The following NID2 variants were observed in gnomAD, a reference collection of about 807,000 sequenced individuals.
The protein encoded by NID2 is nidogen-2.
A neutral mutation model predicts 145.4 loss-of-function variants in NID2; 83 were observed. The ratio of observed to expected loss-of-function variants is 0.57; its 90% CI spans 0.48 to 0.69. The LOEUF (loss-of-function observed/expected upper bound fraction) is 0.69, where lower values mean the gene tolerates loss of function less well. Among genes scored for constraint, NID2 ranks in the 30% least tolerant of loss-of-function variants. The pLI, the probability that NID2 is intolerant of heterozygous loss-of-function variation, is 0.00. For missense variants in NID2, 1,807 were observed against 1,765.7 expected, an observed-to-expected ratio of 1.02 and a Z score of -0.42; for synonymous variants, 739 against 701.3, an observed-to-expected ratio of 1.05 and a Z score of -0.85.
intron 16 of NID2, 51 bp from the exon 17 acceptor site, chr14:52,011,734 T>C (rs746368383): frequency 6.2e-7 from 1 of 1,607,924 alleles, no homozygotes; most frequent in Non-Finnish European, 8.5e-7. Flanking sequence ...ATTTCCCCTT[T>C]GTTCACACTC....
At chr14:52,030,578 G>T (rs1201745832) in intron 9 of NID2, among the ~76,000 whole-genome samples, 11 of 3,130 alleles carry the variant, frequency 3.5e-3, no homozygotes, top group South Asian at 0.017. Flanking sequence ...GGAAGGAAGG[G>T]AAAGAAAGAA....
intron 21 of NID2, 36 bp from the exon 22 acceptor site, chr14:52,005,532 G>GGTGAGTATATTGTAACCAA: frequency 6.3e-7 from 1 of 1,590,884 alleles, no homozygotes; most frequent in East Asian, 2.2e-5. Context: ...CAGGGTGGTG[G>GGTGAGTATATTGTAACCAA]GTGAGTATAT....
At position 52,006,613 on chromosome 14, in the gene NID2, C is replaced by G. The variant is rs1489550750; in HGVS notation, c.3928G>C (p.Val1310Leu). ...CTLPDGTGRR[V>L]IQNNLKYPFS... is the part of the protein sequence containing the mutation. ...GGGTACTTGAGGTTGTTTTGAATGA[C>G]ACGCCGTCCAGTTCCATCAGGTAGT... Residue 1310 changes from valine (V) to leucine (L), a missense_variant, in exon 20 of 22, where the codon GTC (valine) becomes CTC (leucine). Transcript: ENST00000216286. 1 of 1,613,786 alleles carries G rather than the reference C, an allele frequency of 6.2e-7. No homozygotes were observed. The highest frequency in any genetic ancestry group is 1.3e-5 in the African/African-American group (1 of 74,906).
At chr14:52,041,051 G>C (rs1283625632) in intron 7 of NID2, among the ~76,000 whole-genome samples, 200 bp from the exon 8 acceptor site, 2 of 152,106 alleles carry the variant, frequency 1.3e-5, no homozygotes, top group African/African-American at 2.4e-5. Flanking sequence ...GTTTCATCCT[G>C]CCTTACCTCA....
intron 7 of NID2, among the ~76,000 whole-genome samples, chr14:52,041,401 G>A (rs1892274914): frequency 1.3e-5 from 2 of 152,172 alleles, no homozygotes; most frequent in African/African-American, 4.8e-5. Context: ...ACCGAGCTCT[G>A]CAGTTAAAGA....
intron 8 of NID2, 151 bp from the exon 9 acceptor site, chr14:52,039,128 C>T: frequency 1.6e-6 from 1 of 625,958 alleles, no homozygotes. Flanking sequence ...GTAAGGAAAT[C>T]CCAAAAACCT....
chr14:52,039,845 C>T (rs913418481), intron 8 of NID2, among the ~76,000 whole-genome samples: 1 of 152,222 alleles, frequency 6.6e-6, no homozygotes, highest in African/African-American at 2.4e-5. Context: ...AGAGGCCTTT[C>T]CCTATAGATA....
chr14:52,027,143 T>A (rs745391015), intron 12 of NID2, 58 bp downstream of exon 12: 1 of 1,419,374 alleles, frequency 7.0e-7, no homozygotes. Flanking sequence ...TCCATCTATG[T>A]GGGGATGTGC....
intron 5 of NID2, among the ~76,000 whole-genome samples, chr14:52,053,351 T>TA (rs1195499516): frequency 2.0e-5 from 3 of 152,132 alleles, no homozygotes; most frequent in South Asian, 2.1e-4. Context: ...GCCCATATTT[T>TA]AAAAAAACAT....
intron 12 of NID2, among the ~76,000 whole-genome samples, chr14:52,021,700 G>T (rs1014909927): frequency 2.0e-5 from 3 of 152,178 alleles, no homozygotes; most frequent in Admixed American, 1.3e-4. Context: ...CAGGTGAGTG[G>T]TTGGCCTCCC....
chr14:52,048,882 C>T (rs1017687621), intron 5 of NID2, among the ~76,000 whole-genome samples: 5 of 152,060 alleles, frequency 3.3e-5, no homozygotes, highest in Admixed American at 6.5e-5. Flanking sequence ...GTAGAGGAGG[C>T]GCTTGGAAAT....
chr14:52,014,197 C>T (rs770341231), intron 16 of NID2, 90 bp downstream of exon 16: 165 of 1,537,008 alleles, frequency 1.1e-4, no homozygotes, highest in Admixed American at 8.4e-5. Flanking sequence ...CTTCCCTGCA[C>T]CAGTCCACCT....
chr14:52,010,723 C>T, intron 18 of NID2, 153 bp downstream of exon 18: 1 of 707,464 alleles, frequency 1.4e-6, no homozygotes, highest in East Asian at 2.6e-5. Context: ...AGAACAGGTC[C>T]TGACACCTCT....
intron 17 of NID2, 26 bp from the exon 18 acceptor site, chr14:52,011,073 GGA>G (rs1168844233): frequency 1.2e-6 from 2 of 1,607,474 alleles, no homozygotes; most frequent in African/African-American, 2.7e-5. Flanking sequence ...AGTCAGGACT[GGA>G]GTGTTTGCAG....
rs775947856 is a variant in NID2, at chr14:52,006,567, G to A, written c.3974C>T (p.Ala1325Val). The A allele has an allele frequency of 4.3e-6, 7 of 1,613,802 alleles. No homozygotes were observed. Among genetic ancestry groups the A allele is most frequent in the Middle Eastern group, 1.7e-4 (1 of 6,060 alleles). Residue 1325 changes from alanine (A) to valine (V), a missense_variant, in exon 20 of 22, where the codon GCA (alanine) becomes GTA (valine). Ala to Val is a moderately conservative substitution (Grantham distance 64, BLOSUM62 0). Coordinates refer to ENST00000216286, the MANE Select transcript of NID2 (RefSeq NM_007361.4). Reference sequence around the variant, plus strand: ...CCAGTCTGTGTGGTAGAAGTGATCTGCATAGCTTACGATGCTGAAGGGGTA... The same window carrying A: ...CCAGTCTGTGTGGTAGAAGTGATCTACATAGCTTACGATGCTGAAGGGGTA... The part of the protein sequence containing the change: ...LKYPFSIVSY[A>V]DHFYHTDWRR...
At chr14:52,027,108 A>C in intron 12 of NID2, 93 bp downstream of exon 12, 2 of 1,253,720 alleles carry the variant, frequency 1.6e-6, no homozygotes, top group Non-Finnish European at 2.1e-6. Context: ...AGTCAAAGGA[A>C]GTCCTTTGTC....
chr14:52,013,420 C>T (rs1184265899), intron 16 of NID2, among the ~76,000 whole-genome samples: 1 of 152,216 alleles, frequency 6.6e-6, no homozygotes, highest in Admixed American at 6.5e-5. Context: ...AAAAAGAACA[C>T]ATCTCTTCCT....
chr14:52,015,741 CA>C (rs549569749), intron 14 of NID2, among the ~76,000 whole-genome samples: 1 of 152,172 alleles, frequency 6.6e-6, no homozygotes, highest in East Asian at 1.9e-4. Flanking sequence ...CCACTTGCTT[CA>C]AGCTTCAAGC....
chr14:52,060,013 C>G (rs1892971916), intron 3 of NID2, 111 bp downstream of exon 3: 1 of 718,146 alleles, frequency 1.4e-6, no homozygotes, highest in Non-Finnish European at 2.2e-6. Context: ...TGATGCCTTA[C>G]TTAGAAGCCA....
Sources: gnomAD v4.1 joint callset for allele counts (sites outside exome capture counted in the v4.1 genomes callset) on GRCh38, gnomAD v4.1.1 for gene constraint, MANE v1.5 for transcripts, NCBI Gene and HGNC (gene_info 2026-07-23, HGNC 2026-07-21) for gene names.